Variants in ITIH5 observed in about 807,000 individuals in gnomAD.
ITIH5 encodes inter-alpha-trypsin inhibitor heavy chain 5.
In ITIH5, 65 loss-of-function variants were observed where a neutral mutation model predicts 77.5. That is an observed-to-expected ratio of 0.84 (90% CI 0.69 to 1.03). ITIH5 has a LOEUF of 1.03. Ranked by LOEUF, ITIH5 falls within the 50% of genes least tolerant of loss-of-function variation. The pLI is 0.00. For synonymous variants in ITIH5, 525 were observed against 494.3 expected (o/e 1.06, Z -0.82); for missense variants, 1,208 against 1,213.1 (o/e 1.00, Z 0.06).
chr10:7,571,892 G>A (rs183054091), intron 11 of ITIH5: 13 of 824,462 alleles, frequency 1.6e-5, no homozygotes, highest in East Asian at 2.5e-4. Context: ...TTGTTGGTTC[G>A]ATCCTTGGGA....
At chr10:7,629,295 GCGTGTGTC>G (rs1833665991) in intron 5 of ITIH5, among the ~76,000 whole-genome samples, 3 of 113,942 alleles carry the variant, frequency 2.6e-5, no homozygotes, top group Non-Finnish European at 1.8e-5. Flanking sequence ...CCCTGTTGTA[GCGTGTGTC>G]CATGTTGTAG....
intron 2 of ITIH5, among the ~76,000 whole-genome samples, chr10:7,653,382 T>A (rs1289378287): frequency 2.0e-5 from 3 of 152,024 alleles, no homozygotes; most frequent in Non-Finnish European, 4.4e-5. Flanking sequence ...AATTTTTGTA[T>A]TTTTTAGTAG....
chr10:7,626,375 T>C (rs1202109149), intron 5 of ITIH5, among the ~76,000 whole-genome samples: 1 of 152,228 alleles, frequency 6.6e-6, no homozygotes, highest in East Asian at 1.9e-4. Flanking sequence ...CAAGATAACA[T>C]GGATTTTCAT....
intron 2 of ITIH5, among the ~76,000 whole-genome samples, chr10:7,650,851 G>A (rs960557422): frequency 6.6e-6 from 1 of 152,158 alleles, no homozygotes; most frequent in Non-Finnish European, 1.5e-5. Flanking sequence ...TCTGTAGACA[G>A]GAAATGGCAT....
chr10:7,584,501 C>T (rs992407408), intron 8 of ITIH5, among the ~76,000 whole-genome samples: 5 of 151,806 alleles, frequency 3.3e-5, no homozygotes, highest in African/African-American at 1.2e-4. Context: ...GATGGGGTTT[C>T]GCCATGTTGG....
chr10:7,642,706 C>G (rs774023328), intron 2 of ITIH5, among the ~76,000 whole-genome samples: 1 of 152,118 alleles, frequency 6.6e-6, no homozygotes, highest in East Asian at 1.9e-4. Context: ...CCCAAAAGCC[C>G]CTGATGAGAG....
intron 1 of ITIH5, among the ~76,000 whole-genome samples, chr10:7,663,307 G>T (rs1384615485): frequency 1.3e-5 from 2 of 152,182 alleles, no homozygotes. Flanking sequence ...ACTAGGCTGT[G>T]CATAAATAGT....
chr10:7,603,497 T>C (rs1315040120), intron 7 of ITIH5, among the ~76,000 whole-genome samples: 1 of 152,162 alleles, frequency 6.6e-6, no homozygotes, highest in Non-Finnish European at 1.5e-5. Flanking sequence ...TCTCTGAAAA[T>C]ACTAAAAGCC....
At chr10:7,660,133 G>A (rs181110501) in intron 1 of ITIH5, among the ~76,000 whole-genome samples, 14 of 152,140 alleles carry the variant, frequency 9.2e-5, no homozygotes, top group African/African-American at 2.7e-4. Flanking sequence ...TGAGAAAAAC[G>A]TAAGCCACCA....
intron 5 of ITIH5, chr10:7,622,044 T>G (rs1833482589): frequency 6.6e-6 from 1 of 152,210 alleles, no homozygotes; most frequent in South Asian, 2.1e-4. Context: ...GGCCAAGTCT[T>G]CTAATCCCAT....
chr10:7,574,695 A>G (rs12219448), intron 10 of ITIH5, among the ~76,000 whole-genome samples: 35,640 of 149,890 alleles, frequency 0.24, 4,662 homozygotes, highest in African/African-American at 0.36. Context: ...TGGGAGGCTG[A>G]GGCAGGAGAA....
At chr10:7,633,927 A>G (rs1165088663) in intron 5 of ITIH5, among the ~76,000 whole-genome samples, 1 of 151,938 alleles carries the variant, frequency 6.6e-6, no homozygotes, top group Non-Finnish European at 1.5e-5. Context: ...GTCTCTACTA[A>G]AAACACAAAA....
At chr10:7,649,821 G>A (rs1046042708) in intron 2 of ITIH5, among the ~76,000 whole-genome samples, 4 of 152,236 alleles carry the variant, frequency 2.6e-5, no homozygotes, top group Admixed American at 1.3e-4. Flanking sequence ...AAGAACAAGC[G>A]AGGCCTTTGA....
intron 7 of ITIH5, among the ~76,000 whole-genome samples, chr10:7,589,442 G>A (rs968279284): frequency 6.6e-6 from 1 of 152,164 alleles, no homozygotes; most frequent in Non-Finnish European, 1.5e-5. Flanking sequence ...CTGGGCGACA[G>A]AGCGAGACTC....
chr10:7,666,712 G>C, intron 1 of ITIH5, 91 bp downstream of exon 1: 3 of 1,041,310 alleles, frequency 2.9e-6, no homozygotes, highest in Non-Finnish European at 4.2e-6. Context: ...GGAGACGGTC[G>C]AAGGGGGCCC....
chr10:7,586,313 C>T (rs963673954), intron 7 of ITIH5, among the ~76,000 whole-genome samples: 1 of 152,164 alleles, frequency 6.6e-6, no homozygotes, highest in Non-Finnish European at 1.5e-5. Context: ...CACGGTACTT[C>T]GGGCCTCCGC....
chr10:7,627,910 C>G lies in ITIH5; in HGVS notation c.652+9318G>C, dbSNP rs537133175. ...AGGCTGGAGTGCAGTGGTGCAATCT[C>G]AGCTCAATGCAACCTCCGCCTCCCA... On this transcript the variant is annotated intron_variant, in intron 5 of 13. Coordinates refer to ENST00000397146, the MANE Select transcript of ITIH5 (RefSeq NM_030569.7). 3.4e-4 allele frequency among the ~76,000 whole-genome samples: 44 copies of G among 128,902 alleles called. 1 individual carries two copies. In the South Asian group the frequency reaches 0.011, roughly 33 times the overall value. The allele number at this position is 128,902 out of a possible 152,430, so 84.6% of individuals were successfully genotyped here.
intron 7 of ITIH5, chr10:7,600,416 C>T: frequency 2.4e-6 from 1 of 409,154 alleles, no homozygotes; most frequent in Non-Finnish European, 4.8e-6. Flanking sequence ...ACAACTGTCT[C>T]CTGAACATCT....
At chr10:7,603,740 G>A (rs1158669402) in intron 7 of ITIH5, among the ~76,000 whole-genome samples, 1 of 152,010 alleles carries the variant, frequency 6.6e-6, no homozygotes, top group Non-Finnish European at 1.5e-5. Flanking sequence ...CCACCACCAC[G>A]CCCAGCTAAT....
Sources: gnomAD v4.1 joint callset for allele counts (sites outside exome capture counted in the v4.1 genomes callset) on GRCh38, gnomAD v4.1.1 for gene constraint, MANE v1.5 for transcripts, NCBI Gene and HGNC (gene_info 2026-07-23, HGNC 2026-07-21) for gene names.